Variants in WAPL observed in about 807,000 individuals in gnomAD.
WAPL encodes the protein WAPL cohesin release factor.
A neutral mutation model predicts 121.0 loss-of-function variants in WAPL; 5 were observed. The observed-to-expected ratio is 0.04, with a 90% CI of 0.02 to 0.09. WAPL has a LOEUF of 0.09. Among genes scored for constraint, WAPL ranks in the 10% least tolerant of loss-of-function variants. The pLI is 1.00. For synonymous variants in WAPL, 480 were observed against 481.5 expected (o/e 1.00, Z 0.04); for missense variants, 999 against 1,410.8 (o/e 0.71, Z 4.68).
intron 2 of WAPL, among the ~76,000 whole-genome samples, chr10:86,504,900 CAAT>C (rs905316277): frequency 1.3e-5 from 2 of 152,088 alleles, no homozygotes; most frequent in African/African-American, 4.8e-5. Context: ...TATACTTTAG[CAAT>C]AACATTCATT....
chr10:86,449,156 T>C (rs907866623), intron 15 of WAPL, among the ~76,000 whole-genome samples: 3 of 152,230 alleles, frequency 2.0e-5, no homozygotes, highest in African/African-American at 7.2e-5. Context: ...TAATCAGAAC[T>C]ACCTGTAAGA....
intron 4 of WAPL, among the ~76,000 whole-genome samples, chr10:86,490,510 A>T (rs1454880111): frequency 2.6e-5 from 4 of 152,130 alleles, no homozygotes; most frequent in African/African-American, 9.7e-5. Flanking sequence ...TAACTAAGTT[A>T]AAAAAACAGA....
At chr10:86,517,347 C>T (rs7090856) in intron 2 of WAPL, among the ~76,000 whole-genome samples, 146,497 of 152,334 alleles carry the variant, frequency 0.96, 70,588 homozygotes, top group East Asian at 1. Context: ...GTTCCCAAAA[C>T]GTACCCTGCG....
chr10:86,465,685 C>A (rs938650525), intron 9 of WAPL, among the ~76,000 whole-genome samples: 1 of 152,072 alleles, frequency 6.6e-6, no homozygotes, highest in Non-Finnish European at 1.5e-5. Context: ...CATATAAATC[C>A]CGGATGTGGG....
intron 4 of WAPL, among the ~76,000 whole-genome samples, chr10:86,482,922 A>G (rs1464267502): frequency 6.6e-6 from 1 of 152,200 alleles, no homozygotes; most frequent in East Asian, 1.9e-4. Flanking sequence ...AACTACAGTT[A>G]ATAATAATGT....
intron 4 of WAPL, among the ~76,000 whole-genome samples, chr10:86,480,642 A>C (rs10522766): frequency 1.1e-3 from 4 of 3,604 alleles, no homozygotes; most frequent in African/African-American, 3.1e-3. Context: ...TCTTGAGACA[A>C]CACCACCTGT....
chr10:86,447,940 T>C (rs1451678122), intron 15 of WAPL, among the ~76,000 whole-genome samples: 6 of 151,904 alleles, frequency 3.9e-5, no homozygotes, highest in Admixed American at 2.0e-4. Flanking sequence ...CCCAGCTACT[T>C]GGGAGGCTGA....
chr10:86,504,087 T>C (rs1842297639), intron 2 of WAPL, among the ~76,000 whole-genome samples: 1 of 151,990 alleles, frequency 6.6e-6, no homozygotes, highest in African/African-American at 2.4e-5. Flanking sequence ...GGCACAAGAA[T>C]TGTTTGAACC....
At chr10:86,449,271 T>G (rs1220528599) in intron 15 of WAPL, among the ~76,000 whole-genome samples, 8 of 152,212 alleles carry the variant, frequency 5.3e-5, no homozygotes, top group Admixed American at 5.2e-4. Context: ...CATGGATTTT[T>G]CCACTCTATC....
At chr10:86,459,526 T>G (rs1841222904) in intron 11 of WAPL, among the ~76,000 whole-genome samples, 1 of 152,220 alleles carries the variant, frequency 6.6e-6, no homozygotes, top group Non-Finnish European at 1.5e-5. Context: ...TAAAATAACC[T>G]GGTGAACAAA....
chr10:86,493,901 G>A (rs1842099155), intron 4 of WAPL, among the ~76,000 whole-genome samples: 1 of 152,170 alleles, frequency 6.6e-6, no homozygotes, highest in Non-Finnish European at 1.5e-5. Flanking sequence ...TACCCAGGAG[G>A]CTAAGGCAGG....
Position 86,500,381 on chromosome 10 carries a change from G to A in WAPL, c.862C>T (p.Leu288Phe). 6.2e-7 allele frequency: 1 copy of A among 1,614,178 alleles called. No individual in the cohort carries two copies. The highest frequency in any genetic ancestry group is 8.5e-7 in the Non-Finnish European group (1 of 1,180,038). The change falls in exon 3 of 19, where the codon CTT (leucine) becomes TTT (phenylalanine). Residue 288 changes from leucine to phenylalanine, a missense_variant. Leu to Phe is a conservative substitution (Grantham distance 22, BLOSUM62 0). Coordinates refer to ENST00000298767, the MANE Select transcript of WAPL (RefSeq NM_015045.5). ...AIEEDIVQSVLRPTNCRTYCR... is the reference protein window; with the variant it reads ...AIEEDIVQSVFRPTNCRTYCR... Reference sequence around the variant, plus strand: ...TACGTCCTACAGTTGGTTGGCCTAAGAACACTTTGTACAATATCTTCCTCA... The same window carrying A: ...TACGTCCTACAGTTGGTTGGCCTAAAAACACTTTGTACAATATCTTCCTCA...
At chr10:86,503,440 T>C (rs1469438169) in intron 2 of WAPL, among the ~76,000 whole-genome samples, 1 of 151,018 alleles carries the variant, frequency 6.6e-6, no homozygotes, top group Non-Finnish European at 1.5e-5. Flanking sequence ...TTTAAATATC[T>C]GAATGGCTGT....
At chr10:86,455,010 G>A (rs1841101892) in intron 12 of WAPL, among the ~76,000 whole-genome samples, 4 of 129,498 alleles carry the variant, frequency 3.1e-5, no homozygotes, top group East Asian at 4.4e-4. Flanking sequence ...CAGCCACCCC[G>A]TCCGGGAGGT....
At chr10:86,473,281 T>C (rs17106749) in intron 5 of WAPL, among the ~76,000 whole-genome samples, 10,483 of 152,272 alleles carry the variant, frequency 0.069, 674 homozygotes, top group East Asian at 0.38. Flanking sequence ...AACTGTACAT[T>C]ATACTTTAGA....
intron 2 of WAPL, among the ~76,000 whole-genome samples, chr10:86,516,863 T>C (rs1261425020): frequency 1.3e-5 from 2 of 152,104 alleles, no homozygotes; most frequent in African/African-American, 4.8e-5. Flanking sequence ...GGCGGGCAGA[T>C]CACGAGGTCA....
At position 86,436,598 on chromosome 10, in the gene WAPL, T is replaced by C. The variant is rs573472762; in HGVS notation, c.*945A>G. 5 of 152,814 alleles carry C rather than the reference T, an allele frequency of 3.3e-5. No individual in the cohort carries two copies. The highest frequency in any genetic ancestry group is 1.5e-5 in the Non-Finnish European group (1 of 68,032). The allele number at this position is 152,814 out of a possible 1,614,324, so 9.5% of individuals were successfully genotyped here. On this transcript the variant is annotated 3_prime_UTR_variant, in exon 19 of 19. Transcript: ENST00000298767. ...TTGATCCTGTCACTCTATAGAAGAA[T>C]ATACATGTTATCTGGAAACAGGAAT...
rs531404303 is a variant in WAPL, at chr10:86,505,300, C to CTTTTTTTTTTTTTTTTTTTT, written c.500-4577_500-4558dup. 1.1e-3 allele frequency among the ~76,000 whole-genome samples: 51 copies of CTTTTTTTTTTTTTTTTTTTT among 44,646 alleles called. 8 individuals are homozygous for CTTTTTTTTTTTTTTTTTTTT. The highest frequency in any genetic ancestry group is 1.6e-3 in the Non-Finnish European group (40 of 24,344). 29.3% of individuals were successfully genotyped at this position (44,646 alleles called of 152,430 possible). A position where few individuals can be genotyped will look rare whatever the true frequency, so the allele number is the denominator to read the frequency against. ...CAAGCTTCAGCCACAGTGCCCAACT[C>CTTTTTTTTTTTTTTTTTTTT]TTTTTTTTTTTTTTTTTTTTTTTTT... On this transcript the variant is annotated intron_variant, in intron 2 of 18. Coordinates refer to ENST00000298767, the MANE Select transcript of WAPL (RefSeq NM_015045.5).
intron 16 of WAPL, 46 bp downstream of exon 16, chr10:86,446,196 C>A: frequency 6.3e-7 from 1 of 1,599,726 alleles, no homozygotes; most frequent in South Asian, 1.1e-5. Context: ...AAAACAAAAT[C>A]AAACCACTAT....
Sources: gnomAD v4.1 joint callset for allele counts (sites outside exome capture counted in the v4.1 genomes callset) on GRCh38, gnomAD v4.1.1 for gene constraint, MANE v1.5 for transcripts, NCBI Gene and HGNC (gene_info 2026-07-23, HGNC 2026-07-21) for gene names.